Variants in VCF1 observed in about 807,000 individuals in gnomAD.
VCF1 encodes VCP nuclear cofactor family member 1, also known as protein VCF1.
chr17:73,224,940 C>CACAGGACA, the VCF1 span, among the ~76,000 whole-genome samples: 3 of 107,424 alleles, frequency 2.8e-5, no homozygotes, highest in East Asian at 3.0e-4. Context: ...GACAGCACAG[C>CACAGGACA]ACAGCACAGC....
At chr17:73,225,061 G>A in the VCF1 span, among the ~76,000 whole-genome samples, 1 of 49,292 alleles carries the variant, frequency 2.0e-5, no homozygotes, top group Non-Finnish European at 4.8e-5. Context: ...AGGCTATTCT[G>A]GTCAATGTTC....
chr17:73,212,812 G>T, the VCF1 span: 2 of 1,157,278 alleles, frequency 1.7e-6, no homozygotes, highest in African/African-American at 1.6e-5. Context: ...TATCTATTTC[G>T]TACTATAATA....
chr17:73,211,572 A>AAT, the VCF1 span, among the ~76,000 whole-genome samples: 2 of 149,372 alleles, frequency 1.3e-5, no homozygotes, highest in African/African-American at 5.0e-5. Flanking sequence ...CATCTCAAAA[A>AAT]AAAAAAAGGC....
the VCF1 span, among the ~76,000 whole-genome samples, chr17:73,223,475 T>C: frequency 6.6e-6 from 1 of 152,234 alleles, no homozygotes; most frequent in African/African-American, 2.4e-5. Flanking sequence ...AGGCAGATAC[T>C]ATTATCTCCA....
chr17:73,214,720 G>A, the VCF1 span, among the ~76,000 whole-genome samples: 3 of 152,224 alleles, frequency 2.0e-5, no homozygotes, highest in Non-Finnish European at 4.4e-5. Flanking sequence ...AATACTTGAT[G>A]ATGCACGGCT....
chr17:73,208,660 A>G, the VCF1 span: 6 of 628,574 alleles, frequency 9.5e-6, no homozygotes, highest in African/African-American at 9.1e-5. Flanking sequence ...ACATCAGTTC[A>G]GGTAGCTTAC....
chr17:73,212,851 G>A, the VCF1 span: 1 of 663,570 alleles, frequency 1.5e-6, no homozygotes, highest in Non-Finnish European at 2.4e-6. Context: ...TCTAAGAAAA[G>A]GCAAAAGTTC....
the VCF1 span, among the ~76,000 whole-genome samples, chr17:73,223,568 G>T: frequency 2.0e-5 from 3 of 151,886 alleles, no homozygotes; most frequent in Admixed American, 6.6e-5. Context: ...CCTAGTACTC[G>T]CCATTATTAT....
At chr17:73,211,567 C>A in the VCF1 span, among the ~76,000 whole-genome samples, 73 of 132,068 alleles carry the variant, frequency 5.5e-4, no homozygotes, top group African/African-American at 6.1e-4. Context: ...GACTTCATCT[C>A]AAAAAAAAAA....
At chr17:73,220,288 T>A in the VCF1 span, among the ~76,000 whole-genome samples, 2 of 152,188 alleles carry the variant, frequency 1.3e-5, no homozygotes, top group South Asian at 4.1e-4. Context: ...GACTCCTAAC[T>A]TTATGATAAA....
the VCF1 span, chr17:73,227,671 A>AT: frequency 4.1e-6 from 4 of 986,024 alleles, no homozygotes; most frequent in Non-Finnish European, 4.8e-6. Context: ...AACATTTGAT[A>AT]TAAGAGTGGC....
At chr17:73,222,503 C>A in the VCF1 span, among the ~76,000 whole-genome samples, 1 of 152,052 alleles carries the variant, frequency 6.6e-6, no homozygotes, top group Non-Finnish European at 1.5e-5. Flanking sequence ...TAGGGCTGGG[C>A]GCGGTGGCTC....
the VCF1 span, chr17:73,227,713 T>C: frequency 1.0e-6 from 1 of 964,142 alleles, no homozygotes; most frequent in Middle Eastern, 5.3e-4. Context: ...AAAACCCTTA[T>C]AAAAGTACCT....
chr17:73,208,633 A>T, the VCF1 span: 43 of 750,684 alleles, frequency 5.7e-5, no homozygotes, highest in South Asian at 6.5e-4. Flanking sequence ...AAAATTTCAC[A>T]ATACTTGTTG....
At chr17:73,227,276 T>G in the VCF1 span, 3 of 1,493,062 alleles carry the variant, frequency 2.0e-6, no homozygotes, top group African/African-American at 1.5e-5. Context: ...TGAAATTAAA[T>G]CACAAGGAGA....
the VCF1 span, among the ~76,000 whole-genome samples, chr17:73,220,476 G>A: frequency 3.7e-4 from 56 of 151,928 alleles, no homozygotes; most frequent in Admixed American, 2.6e-4. Flanking sequence ...ATGGAGACTC[G>A]CTCTGTCACC....
the VCF1 span, chr17:73,207,757 T>C: frequency 8.5e-6 from 11 of 1,289,850 alleles, no homozygotes; most frequent in African/African-American, 1.5e-5. Context: ...TGAATTGTGC[T>C]GTGTGCATGT....
At chr17:73,230,511 T>C in the VCF1 span, among the ~76,000 whole-genome samples, 1 of 152,152 alleles carries the variant, frequency 6.6e-6, no homozygotes, top group Admixed American at 6.5e-5. Context: ...TTCTCCTGCC[T>C]TAGCCTCCCA....
At chr17:73,229,664 G>A in the VCF1 span, 46 of 715,902 alleles carry the variant, frequency 6.4e-5, no homozygotes, top group Admixed American at 6.3e-4. Context: ...TCAGGAGTTC[G>A]AAACCAGCCT....
Sources: gnomAD v4.1 joint callset for allele counts (sites outside exome capture counted in the v4.1 genomes callset) on GRCh38, gnomAD v4.1.1 for gene constraint, MANE v1.5 for transcripts, NCBI Gene and HGNC (gene_info 2026-07-23, HGNC 2026-07-21) for gene names.